The following NRXN3 variants were observed in gnomAD, a reference collection of about 807,000 sequenced individuals.
NRXN3 encodes the protein neurexin III.
NRXN3 carries 32 observed loss-of-function variants against 137.6 expected under a neutral mutation model. That is an observed-to-expected ratio of 0.23 (90% CI 0.18 to 0.31). The LOEUF is 0.31. Among genes scored for constraint, NRXN3 ranks in the 10% least tolerant of loss-of-function variants. The probability of loss-of-function intolerance (pLI) is 1.00; values close to 1 mark genes in which losing one functional copy is unlikely to be tolerated. For synonymous variants in NRXN3, 798 were observed against 784.5 expected, an observed-to-expected ratio of 1.02 and a Z score of -0.29; for missense variants, 1,574 against 2,062.5, an observed-to-expected ratio of 0.76 and a Z score of 4.59.
At chr14:78,577,134 G>A (rs2096943772) in intron 4 of NRXN3, among the ~76,000 whole-genome samples, 1 of 152,116 alleles carries the variant, frequency 6.6e-6, no homozygotes, top group Non-Finnish European at 1.5e-5. Context: ...CACTTGTGCT[G>A]ACCAACTCCC....
intron 1 of NRXN3, among the ~76,000 whole-genome samples, chr14:78,223,232 A>G (rs1453471611): frequency 6.6e-6 from 1 of 152,188 alleles, no homozygotes; most frequent in Non-Finnish European, 1.5e-5. Context: ...CTTTCCTACA[A>G]GGCCTCTTGG....
chr14:78,238,098 C>T (rs1372199349), intron 1 of NRXN3, among the ~76,000 whole-genome samples: 1 of 152,032 alleles, frequency 6.6e-6, no homozygotes, highest in Non-Finnish European at 1.5e-5. Flanking sequence ...TCTTCTGAGC[C>T]ACACCTTGTG....
At chr14:79,731,154 C>CGAA (rs2098920981) in intron 19 of NRXN3, among the ~76,000 whole-genome samples, 1 of 152,086 alleles carries the variant, frequency 6.6e-6, no homozygotes, top group Non-Finnish European at 1.5e-5. Context: ...CAGGGTAGAT[C>CGAA]GAATGAACAC....
intron 14 of NRXN3, among the ~76,000 whole-genome samples, chr14:78,987,443 G>A (rs2099509210): frequency 6.6e-6 from 1 of 152,246 alleles, no homozygotes; most frequent in Middle Eastern, 3.4e-3. Context: ...AGCTCAGCAA[G>A]ATAATGTAAA....
chr14:78,905,831 A>G (rs2099214396), intron 10 of NRXN3, among the ~76,000 whole-genome samples: 1 of 151,998 alleles, frequency 6.6e-6, no homozygotes, highest in South Asian at 2.1e-4. Context: ...ACTAAAACTA[A>G]AGTGGATAGA....
At chr14:78,544,860 T>C (rs2096623441) in intron 4 of NRXN3, among the ~76,000 whole-genome samples, 1 of 152,086 alleles carries the variant, frequency 6.6e-6, no homozygotes, top group Non-Finnish European at 1.5e-5. Context: ...ATCTACAGCA[T>C]GGGTAGAGGT....
chr14:79,785,136 A>G (rs2140175117), intron 19 of NRXN3, among the ~76,000 whole-genome samples: 1 of 152,348 alleles, frequency 6.6e-6, no homozygotes, highest in Non-Finnish European at 1.5e-5. Context: ...GCAGCAAAAA[A>G]TGTGCTTGGC....
chr14:78,588,450 G>A (rs2097088020), intron 4 of NRXN3, among the ~76,000 whole-genome samples: 1 of 151,906 alleles, frequency 6.6e-6, no homozygotes, highest in African/African-American at 2.4e-5. Flanking sequence ...CTCCCTTTTT[G>A]CTGTTGTTCC....
At chr14:78,550,441 T>C (rs935441472) in intron 4 of NRXN3, among the ~76,000 whole-genome samples, 1 of 152,086 alleles carries the variant, frequency 6.6e-6, no homozygotes, top group Non-Finnish European at 1.5e-5. Flanking sequence ...TAAAAGTGAC[T>C]ACCTCCTAAA....
rs116959965 is a variant in NRXN3 at position 78,678,442 on chromosome 14, C to G, written c.1221+27116C>G. On this transcript the variant is annotated intron_variant, in intron 6 of 20. Coordinates refer to ENST00000335750, the MANE Select transcript of NRXN3 (RefSeq NM_001330195.2). Reference sequence around the variant, plus strand: ...GGAGCTAAAATTATCTCCCACCACACCCAGCTACTCCAGTATATTTTCATC... The same window carrying G: ...GGAGCTAAAATTATCTCCCACCACAGCCAGCTACTCCAGTATATTTTCATC... Among the ~76,000 whole-genome samples the G allele has an allele frequency of 9.8e-3, 1,488 of 151,990 alleles. 15 individuals carry two copies. The highest frequency in any genetic ancestry group is 0.016 in the Non-Finnish European group (1,058 of 67,962).
chr14:79,766,464 TG>T, intron 19 of NRXN3, among the ~76,000 whole-genome samples: 1 of 152,352 alleles, frequency 6.6e-6, no homozygotes, highest in African/African-American at 2.4e-5. Context: ...CATGATCAGA[TG>T]GTGGCAAGAG....
intron 4 of NRXN3, among the ~76,000 whole-genome samples, chr14:78,330,929 A>G (rs1290948490): frequency 6.6e-6 from 1 of 152,208 alleles, no homozygotes; most frequent in Non-Finnish European, 1.5e-5. Context: ...CCCTTATTAA[A>G]TAAAATATAT....
At chr14:79,410,847 C>T (rs564484590) in intron 15 of NRXN3, among the ~76,000 whole-genome samples, 2 of 152,070 alleles carry the variant, frequency 1.3e-5, no homozygotes, top group East Asian at 1.9e-4. Flanking sequence ...TTTTGAAGCT[C>T]GCCACAAAAT....
intron 16 of NRXN3, among the ~76,000 whole-genome samples, chr14:79,487,581 A>C (rs1274551093): frequency 6.6e-6 from 1 of 152,158 alleles, no homozygotes; most frequent in Non-Finnish European, 1.5e-5. Flanking sequence ...CCCCAAAGCA[A>C]AGCATCTCCT....
At chr14:78,605,060 T>G (rs2097237233) in intron 4 of NRXN3, among the ~76,000 whole-genome samples, 1 of 152,184 alleles carries the variant, frequency 6.6e-6, no homozygotes, top group Non-Finnish European at 1.5e-5. Context: ...AAAGGCATGA[T>G]TCTAAAGAGA....
intron 19 of NRXN3, among the ~76,000 whole-genome samples, chr14:79,790,322 C>T (rs539302201): frequency 5.3e-5 from 6 of 114,098 alleles, no homozygotes; most frequent in Admixed American, 9.6e-5. Flanking sequence ...GAGGAGGAGG[C>T]GCCACCCTTT....
In NRXN3 at chr14:78,966,419, G is replaced by C; in HGVS notation, c.2777+13G>C. 1 of 1,603,128 alleles carries C rather than the reference G, an allele frequency of 6.2e-7. No homozygotes were observed. Among genetic ancestry groups the C allele is most frequent in the Non-Finnish European group, 8.5e-7 (1 of 1,172,938 alleles). ...AGCTTGTCAAGGGGTAAGTAGAAGG[G>C]ATCACGACTTATGTTGGACACCTTT... On this transcript the variant is annotated intron_variant, in intron 12 of 20. Transcript: ENST00000335750.
At chr14:79,042,183 A>G (rs919824761) in intron 15 of NRXN3, among the ~76,000 whole-genome samples, 2 of 152,212 alleles carry the variant, frequency 1.3e-5, no homozygotes, top group African/African-American at 4.8e-5. Context: ...GGGACCTGTC[A>G]GTCTTCCTTA....
intron 4 of NRXN3, among the ~76,000 whole-genome samples, chr14:78,628,747 C>T (rs1025213329): frequency 1.3e-5 from 2 of 152,216 alleles, no homozygotes; most frequent in Non-Finnish European, 2.9e-5. Context: ...TTAACTAGAG[C>T]TCTGTCACCT....
Sources: gnomAD v4.1 joint callset for allele counts (sites outside exome capture counted in the v4.1 genomes callset) on GRCh38, gnomAD v4.1.1 for gene constraint, MANE v1.5 for transcripts, NCBI Gene and HGNC (gene_info 2026-07-23, HGNC 2026-07-21) for gene names.